The following DSCAM variants were observed in gnomAD, a reference collection of about 807,000 sequenced individuals.
DSCAM encodes the protein cell adhesion molecule DSCAM.
In DSCAM, 47 loss-of-function variants were observed where a neutral mutation model predicts 217.7. The ratio of observed to expected loss-of-function variants is 0.22; its 90% confidence interval spans 0.17 to 0.28. DSCAM has a LOEUF of 0.28. Among genes scored for constraint, DSCAM ranks in the 10% least tolerant of loss-of-function variants. The probability of loss-of-function intolerance (pLI) is 1.00; values close to 1 mark genes in which losing one functional copy is unlikely to be tolerated. For synonymous variants in DSCAM, 1,056 were observed against 1,015.3 expected (o/e 1.04, Z -0.76); for missense variants, 2,080 against 2,618.3 (o/e 0.79, Z 4.49).
intron 11 of DSCAM, among the ~76,000 whole-genome samples, chr21:40,262,025 C>T (rs1173886928): frequency 6.6e-6 from 1 of 151,968 alleles, no homozygotes; most frequent in Non-Finnish European, 1.5e-5. Context: ...CTCTCTCTTT[C>T]CCTCCCTCCC....
intron 3 of DSCAM, among the ~76,000 whole-genome samples, chr21:40,522,984 GA>G (rs1407625722): frequency 6.6e-6 from 1 of 152,144 alleles, no homozygotes; most frequent in Non-Finnish European, 1.5e-5. Flanking sequence ...ATAGTGCAAA[GA>G]GCTCTTCACC....
chr21:40,506,499 G>A (rs576648591), intron 3 of DSCAM, among the ~76,000 whole-genome samples: 4 of 152,222 alleles, frequency 2.6e-5, no homozygotes, highest in East Asian at 3.9e-4. Context: ...AAACAAAATC[G>A]GCTTAATTCA....
chr21:40,029,414 G>T, intron 32 of DSCAM, among the ~76,000 whole-genome samples: 1 of 146,146 alleles, frequency 6.8e-6, no homozygotes, highest in East Asian at 2.0e-4. Flanking sequence ...CTTGGGGAAT[G>T]CATTTGAGGT....
chr21:40,213,241 C>A (rs538701788), intron 11 of DSCAM, among the ~76,000 whole-genome samples: 2 of 152,284 alleles, frequency 1.3e-5, no homozygotes, highest in East Asian at 3.9e-4. Context: ...TTTTGGGTAT[C>A]AAGGCTTCTA....
intron 28 of DSCAM, among the ~76,000 whole-genome samples, 158 bp downstream of exon 28, chr21:40,062,711 A>C (rs2089141904): frequency 6.6e-6 from 1 of 152,236 alleles, no homozygotes; most frequent in Admixed American, 6.5e-5. Context: ...TAGGCATTAC[A>C]TGGATATTTT....
intron 3 of DSCAM, among the ~76,000 whole-genome samples, chr21:40,565,211 C>A (rs781408481): frequency 6.6e-5 from 10 of 152,156 alleles, no homozygotes; most frequent in African/African-American, 2.4e-5. Flanking sequence ...ATGGCCAATG[C>A]GGCTAATAGG....
At chr21:40,675,645 C>T (rs1282211584) in intron 3 of DSCAM, among the ~76,000 whole-genome samples, 1 of 152,138 alleles carries the variant, frequency 6.6e-6, no homozygotes. Context: ...TTTTTAAATT[C>T]AGGTCGTATA....
chr21:40,619,182 T>C (rs1176149666), intron 3 of DSCAM, among the ~76,000 whole-genome samples: 2 of 152,142 alleles, frequency 1.3e-5, no homozygotes, highest in Non-Finnish European at 2.9e-5. Context: ...GGAAGTAAAC[T>C]TTAAGTGAAG....
chr21:40,405,125 G>C (rs572690297), intron 3 of DSCAM, among the ~76,000 whole-genome samples: 2 of 152,212 alleles, frequency 1.3e-5, no homozygotes, highest in African/African-American at 4.8e-5. Flanking sequence ...CAGGAACTGA[G>C]AATCTAGTGG....
intron 27 of DSCAM, among the ~76,000 whole-genome samples, chr21:40,069,227 G>A (rs1035007573): frequency 5.9e-5 from 9 of 152,258 alleles, no homozygotes; most frequent in East Asian, 3.9e-4. Context: ...AAAGAGGAGC[G>A]AAACAATGGG....
chr21:40,507,761 T>C (rs796344383), intron 3 of DSCAM, among the ~76,000 whole-genome samples: 10 of 152,270 alleles, frequency 6.6e-5, no homozygotes, highest in African/African-American at 2.4e-4. Context: ...ACAGCCTGGG[T>C]GACAGAGCAC....
intron 3 of DSCAM, among the ~76,000 whole-genome samples, chr21:40,371,305 T>C (rs555174287): frequency 6.6e-6 from 1 of 152,288 alleles, no homozygotes; most frequent in South Asian, 2.1e-4. Context: ...GCCTTTCTTA[T>C]GATACACATT....
intron 2 of DSCAM, among the ~76,000 whole-genome samples, chr21:40,694,902 G>A (rs565629536): frequency 2.0e-5 from 3 of 152,296 alleles, no homozygotes; most frequent in African/African-American, 7.2e-5. Context: ...ACTCATTGGT[G>A]AGAATCTGGG....
chr21:40,437,576 G>A (rs996492375), intron 3 of DSCAM, among the ~76,000 whole-genome samples: 2 of 151,990 alleles, frequency 1.3e-5, no homozygotes, highest in African/African-American at 2.4e-5. Flanking sequence ...GCCAGCCAGG[G>A]GTGGTGGCTC....
At chr21:40,099,707 T>C (rs538150138) in intron 20 of DSCAM, among the ~76,000 whole-genome samples, 5 of 152,354 alleles carry the variant, frequency 3.3e-5, no homozygotes, top group African/African-American at 1.2e-4. Flanking sequence ...CAGTGCCTTC[T>C]TTCCTAACAA....
At chr21:40,341,605 C>T (rs546297653) in intron 6 of DSCAM, among the ~76,000 whole-genome samples, 1 of 152,326 alleles carries the variant, frequency 6.6e-6, no homozygotes, top group East Asian at 1.9e-4. Flanking sequence ...AAATCCACAT[C>T]CAACAGAGAT....
chr21:40,230,197 G>C (rs2091369150), intron 11 of DSCAM, among the ~76,000 whole-genome samples: 1 of 152,170 alleles, frequency 6.6e-6, no homozygotes, highest in African/African-American at 2.4e-5. Flanking sequence ...AATAATGCTA[G>C]ACTAATGGAA....
chr21:40,118,362 G>A (rs576661577), intron 20 of DSCAM, among the ~76,000 whole-genome samples: 4 of 152,108 alleles, frequency 2.6e-5, no homozygotes, highest in South Asian at 4.1e-4. Flanking sequence ...GAGGCAGGCC[G>A]ATCACTTGAG....
chr21:40,722,981 G>A (rs966090422), intron 1 of DSCAM, among the ~76,000 whole-genome samples: 9 of 151,950 alleles, frequency 5.9e-5, no homozygotes. Flanking sequence ...AATCCTAAAT[G>A]TCTATGTACC....
Sources: allele counts gnomAD v4.1 joint callset (sites outside exome capture counted in the v4.1 genomes callset), GRCh38; gene constraint gnomAD v4.1.1; transcripts MANE v1.5; gene names NCBI Gene and HGNC (gene_info 2026-07-23, HGNC 2026-07-21).